The following PCDHGA6 variants were observed in gnomAD, a reference collection of about 807,000 sequenced individuals.
PCDHGA6 encodes protocadherin gamma-A6.
Under a neutral mutation model 60.6 loss-of-function variants are expected in PCDHGA6, and 41 were observed. That is an observed-to-expected ratio of 0.68 (90% CI 0.53 to 0.88). The LOEUF is 0.88. PCDHGA6 is among the 40% of genes least tolerant of loss of function. The pLI is 0.00. For synonymous variants in PCDHGA6, 594 were observed against 524.4 expected, an observed-to-expected ratio of 1.13 and a Z score of -1.81; for missense variants, 1,312 against 1,203.0, an observed-to-expected ratio of 1.09 and a Z score of -1.34.
chr5:141,403,259 C>G, intron 1 of PCDHGA6: 1 of 1,613,866 alleles, frequency 6.2e-7, no homozygotes, highest in South Asian at 1.1e-5. Context: ...CCCGCGGTGT[C>G]TGGTGAACTT....
chr5:141,465,836 A>G (rs974075792), intron 1 of PCDHGA6, among the ~76,000 whole-genome samples: 1 of 151,774 alleles, frequency 6.6e-6, no homozygotes, highest in East Asian at 1.9e-4. Context: ...TAAAATTTCA[A>G]CTGAGGCTGG....
rs1042973261 is a variant in PCDHGA6 at position 141,491,547 on chromosome 5, G to T, written c.2425-3260G>T. ...AGGTGACGCTGCGGCCCACAGACTC[G>T]CAGAGCCACTGCTACAGGACGTGCT... On this transcript the variant is annotated intron_variant, in intron 1 of 3. Transcript: ENST00000517434. The surrounding 1 kb of genome is among the most constrained non-coding windows in gnomAD (Gnocchi z 6.9). 6.8e-6 allele frequency: 11 copies of T among 1,613,856 alleles called. No homozygotes were observed. Among genetic ancestry groups the T allele is most frequent in the Middle Eastern group, 1.6e-4 (1 of 6,084 alleles).
intron 1 of PCDHGA6, chr5:141,378,405 C>T (rs1250518150): frequency 2.0e-5 from 3 of 152,298 alleles, no homozygotes; most frequent in Non-Finnish European, 4.4e-5. Context: ...GGCCTGTAAT[C>T]GCAGCTACTC....
intron 1 of PCDHGA6, chr5:141,382,938 C>G (rs1778602174): frequency 6.3e-7 from 1 of 1,592,964 alleles, no homozygotes; most frequent in Admixed American, 1.7e-5. Context: ...ACAGAGGATT[C>G]TTCCTGCTCT....
At chr5:141,495,499 C>T (rs918858395) in intron 2 of PCDHGA6, among the ~76,000 whole-genome samples, 13 of 152,162 alleles carry the variant, frequency 8.5e-5, no homozygotes, top group African/African-American at 2.9e-4. Context: ...CTTGAGTTTC[C>T]GTCTTTGCCA....
At position 141,486,254 on chromosome 5, in the gene PCDHGA6, G is replaced by A. The variant is rs2099626723; in HGVS notation, c.2425-8553G>A. ...GACCTCAGAGCTTGGAACCCTCCCCGAGAGTGCAGAACCTGGCACTGTGGT... is the reference window on the plus strand; with the variant it reads ...GACCTCAGAGCTTGGAACCCTCCCCAAGAGTGCAGAACCTGGCACTGTGGT... On this transcript the variant is annotated intron_variant, in intron 1 of 3. Transcript: ENST00000517434. This position sits in a 1 kb window ranked among gnomAD's most constrained non-coding sequence, Gnocchi z 5.0. The A allele has an allele frequency of 1.2e-6, 2 of 1,613,992 alleles. No individual in the cohort carries two copies. Among genetic ancestry groups the A allele is most frequent in the Non-Finnish European group, 1.7e-6 (2 of 1,179,982 alleles).
In PCDHGA6 at chr5:141,476,343, T is replaced by A; in HGVS notation, c.2425-18464T>A. 1 of 1,614,012 alleles carries A rather than the reference T, an allele frequency of 6.2e-7. No individual in the cohort carries two copies. The highest frequency in any genetic ancestry group is 1.3e-5 in the African/African-American group (1 of 74,984). ...GTGGTGTCTGGAGCTAGCCGAAGAT[T>A]CTTTGAGGTGAACCGGGAGACCGGA... On this transcript the variant is annotated intron_variant, in intron 1 of 3. Transcript: ENST00000517434. This position sits in a 1 kb window ranked among gnomAD's most constrained non-coding sequence, Gnocchi z 7.6.
chr5:141,425,836 C>T (rs568578402), intron 1 of PCDHGA6, among the ~76,000 whole-genome samples: 1 of 152,344 alleles, frequency 6.6e-6, no homozygotes, highest in East Asian at 1.9e-4. Context: ...TTTAAATTCT[C>T]TTTGCTGGGT....
In PCDHGA6 at chr5:141,374,217, T is replaced by C. The variant is rs771956915; in HGVS notation, c.134T>C (p.Val45Ala). 9 of 1,613,862 alleles carry C rather than the reference T, an allele frequency of 5.6e-6. No homozygotes were observed. Among genetic ancestry groups the C allele is most frequent in the Non-Finnish European group, 6.8e-6 (8 of 1,179,902 alleles). Residue 45 changes from valine to alanine, a missense_variant, in exon 1 of 4, where the codon GTA becomes GCA. Val to Ala is a moderately conservative substitution (Grantham distance 64). Transcript: ENST00000517434. ...IPEELEKGSF[V>A]GNIVKDLGLE... ...GAGGAGCTGGAGAAAGGCTCCTTCG[T>C]AGGCAACATCGTCAAGGATCTGGGA...
intron 1 of PCDHGA6, chr5:141,433,042 G>A (rs752612411): frequency 6.2e-6 from 10 of 1,614,142 alleles, no homozygotes; most frequent in Non-Finnish European, 7.6e-6. Flanking sequence ...CCCTCACCAC[G>A]GACTCGCGGA....
intron 1 of PCDHGA6, chr5:141,478,582 G>T: frequency 1.3e-6 from 2 of 1,579,988 alleles, no homozygotes; most frequent in Non-Finnish European, 1.7e-6. Context: ...CCCTGTTAGT[G>T]CTTTTTTATT....
rs73280340 is a variant in PCDHGA6, at chr5:141,473,067, G to A, written c.2425-21740G>A. On this transcript the variant is annotated intron_variant, in intron 1 of 3. Transcript: ENST00000517434. ...GAAAGAAGTGATACAACAAGTTACA[G>A]CATCTTTGTTTATTATCCACTGTGA... Among the ~76,000 whole-genome samples the A allele has an allele frequency of 5.6e-3, 854 of 152,054 alleles. 5 individuals are homozygous for A. The highest frequency in any genetic ancestry group is 0.019 in the African/African-American group (798 of 41,456).
intron 1 of PCDHGA6, chr5:141,393,540 C>G (rs760241344): frequency 6.2e-7 from 1 of 1,613,996 alleles, no homozygotes; most frequent in Admixed American, 1.7e-5. Context: ...CCCGGTTTTT[C>G]CTCACCCGAT....
Position 141,374,613 on chromosome 5 carries a change from A to G in PCDHGA6, c.530A>G (p.His177Arg), listed in dbSNP as rs1770655332. Residue 177 changes from histidine to arginine, a missense_variant, in exon 1 of 4, where the codon CAC (histidine) becomes CGC (arginine). Coordinates refer to ENST00000517434, the MANE Select transcript of PCDHGA6 (RefSeq NM_018919.3). ...LQGFKLSGNS[H>R]FSVDVQSEAH... ...GGATTTAAGCTCAGTGGTAATAGTC[A>G]CTTCTCAGTGGACGTGCAAAGCGAA... 6.2e-7 allele frequency: 1 copy of G among 1,613,396 alleles called. No homozygotes were observed. The highest frequency in any genetic ancestry group is 1.3e-5 in the African/African-American group (1 of 74,918).
intron 1 of PCDHGA6, chr5:141,384,871 G>C (rs769607351): frequency 6.2e-7 from 1 of 1,613,766 alleles, no homozygotes; most frequent in Non-Finnish European, 8.5e-7. Context: ...GTCAGCCACC[G>C]TCACACTCAC....
At position 141,431,215 on chromosome 5, in the gene PCDHGA6, C is replaced by G. The variant is rs1225114172; in HGVS notation, c.2424+54708C>G. 1 of 1,614,184 alleles carries G rather than the reference C, an allele frequency of 6.2e-7. No individual in the cohort carries two copies. Among genetic ancestry groups the G allele is most frequent in the Admixed American group, 1.7e-5 (1 of 60,032 alleles). On this transcript the variant is annotated intron_variant, in intron 1 of 3. Coordinates refer to ENST00000517434, the MANE Select transcript of PCDHGA6 (RefSeq NM_018919.3). This position sits in a 1 kb window ranked among gnomAD's most constrained non-coding sequence, Gnocchi z 4.8. ...AAAATGCAGCCACTGAGATGCGGTTCCCTCTACCCCACGCCTGGGATCCGG... is the reference window on the plus strand; with the variant it reads ...AAAATGCAGCCACTGAGATGCGGTTGCCTCTACCCCACGCCTGGGATCCGG...
At position 141,408,387 on chromosome 5, in the gene PCDHGA6, C is replaced by T. The variant is rs774250271; in HGVS notation, c.2424+31880C>T. Reference sequence around the variant, plus strand: ...CTAGGGCTCAGTGTCCTGGATGTGTCGGCTCGCAAGCTGCGAGTGAGCGCG... The same window carrying T: ...CTAGGGCTCAGTGTCCTGGATGTGTTGGCTCGCAAGCTGCGAGTGAGCGCG... On this transcript the variant is annotated intron_variant, in intron 1 of 3. Transcript: ENST00000517434. 1.2e-5 allele frequency: 20 copies of T among 1,613,890 alleles called. No homozygotes were observed. Among genetic ancestry groups the T allele is most frequent in the Non-Finnish European group, 1.6e-5 (19 of 1,179,880 alleles).
chr5:141,512,712 A>G lies in PCDHGA6; in HGVS notation c.*1539A>G, dbSNP rs1362654237. 1 of 152,806 alleles carries G rather than the reference A, an allele frequency of 6.5e-6. No homozygotes were observed. The highest frequency in any genetic ancestry group is 2.4e-5 in the African/African-American group (1 of 41,414). 9.5% of individuals were successfully genotyped at this position (152,806 alleles called of 1,614,324 possible). On this transcript the variant is annotated 3_prime_UTR_variant, in exon 4 of 4. Coordinates refer to ENST00000517434, the MANE Select transcript of PCDHGA6 (RefSeq NM_018919.3). Reference sequence around the variant, plus strand: ...GTGTAGTGCGGTGTGCTTTTACGTGATGGCGGGTGGGCAGCGGGCGGCGGG... The same window carrying G: ...GTGTAGTGCGGTGTGCTTTTACGTGGTGGCGGGTGGGCAGCGGGCGGCGGG...
At chr5:141,494,365 C>A (rs193174055) in intron 1 of PCDHGA6, among the ~76,000 whole-genome samples, 20 of 152,290 alleles carry the variant, frequency 1.3e-4, no homozygotes, top group Non-Finnish European at 2.2e-4. Context: ...GCAGAGGATG[C>A]TTTGTTCCCA....
Sources: gnomAD v4.1 joint callset for allele counts (sites outside exome capture counted in the v4.1 genomes callset) on GRCh38, gnomAD v4.1.1 for gene constraint, Gnocchi (gnomAD v3.1) non-coding constraint, MANE v1.5 for transcripts, NCBI Gene and HGNC (gene_info 2026-07-23, HGNC 2026-07-21) for gene names.